Variants in CDC42EP4 observed in about 807,000 individuals in gnomAD.
CDC42EP4 encodes CDC42 effector protein (Rho GTPase binding) 4.
Under a neutral mutation model 5.6 loss-of-function variants are expected in CDC42EP4, and 6 were observed. The ratio of observed to expected loss-of-function variants is 1.07; its 90% confidence interval spans 0.59 to 2.12. The LOEUF is 2.12. Ranked by LOEUF, CDC42EP4 falls within the 30% of genes most tolerant of loss-of-function variation. CDC42EP4 has a pLI of 0.00. For missense variants in CDC42EP4, 490 were observed against 508.6 expected (o/e 0.96, Z 0.35); for synonymous variants, 230 against 224.2 (o/e 1.03, Z -0.23).
intron 1 of CDC42EP4, among the ~76,000 whole-genome samples, chr17:73,303,433 G>T (rs1009339796): frequency 2.6e-5 from 4 of 152,174 alleles, no homozygotes; most frequent in Non-Finnish European, 5.9e-5. Flanking sequence ...AGGCCGAGGA[G>T]TATGGATCAC....
chr17:73,309,384 A>G (rs960628316), intron 1 of CDC42EP4, among the ~76,000 whole-genome samples: 5 of 152,114 alleles, frequency 3.3e-5, no homozygotes, highest in African/African-American at 1.2e-4. Flanking sequence ...TATTTTTAAA[A>G]TCAAAAGACT....
chr17:73,307,988 C>T (rs754980228), intron 1 of CDC42EP4, among the ~76,000 whole-genome samples: 3 of 152,242 alleles, frequency 2.0e-5, no homozygotes, highest in Middle Eastern at 3.4e-3. Context: ...GTGATCTGCC[C>T]GCCTTGGCCT....
chr17:73,288,939 G>T (rs2062147174), intron 1 of CDC42EP4, among the ~76,000 whole-genome samples: 1 of 152,170 alleles, frequency 6.6e-6, no homozygotes, highest in Admixed American at 6.5e-5. Flanking sequence ...GGACGTGAGG[G>T]ATGCCTTGAG....
chr17:73,298,092 C>T (rs2062198190), intron 1 of CDC42EP4, among the ~76,000 whole-genome samples: 1 of 151,970 alleles, frequency 6.6e-6, no homozygotes, highest in Non-Finnish European at 1.5e-5. Flanking sequence ...GTTCGGCAGC[C>T]ACATCCCAGC....
chr17:73,304,783 G>A (rs1017944135), intron 1 of CDC42EP4, among the ~76,000 whole-genome samples: 1 of 152,082 alleles, frequency 6.6e-6, no homozygotes, highest in East Asian at 1.9e-4. Flanking sequence ...CACAATTTCA[G>A]GTTAACATCT....
At position 73,285,651 on chromosome 17, in the gene CDC42EP4, C is replaced by T; in HGVS notation, c.850G>A (p.Glu284Lys). Residue 284 changes from glutamate to lysine, a missense_variant, in exon 2 of 2, where the codon GAG becomes AAG. By Grantham distance (56) the Glu-to-Lys change is moderately conservative (BLOSUM62 1). Coordinates refer to ENST00000335793, the MANE Select transcript of CDC42EP4 (RefSeq NM_012121.5). This position sits in a 1 kb window ranked among gnomAD's most constrained non-coding sequence, Gnocchi z 6.8. ...PSLPSHALED[E>K]GWAAAAPSPG... The stretch of plus-strand genomic sequence containing the variant: ...CTGGGGGCCGCTGCTGCCCACCCCT[C>T]ATCCTCCAGAGCATGGGAGGGGAGG... 1 of 1,592,564 alleles carries T rather than the reference C, an allele frequency of 6.3e-7. No homozygotes were observed. The highest frequency in any genetic ancestry group is 1.1e-5 in the South Asian group (1 of 89,450).
In CDC42EP4 at chr17:73,285,890, T is replaced by A; in HGVS notation, c.611A>T (p.Glu204Val). 1 of 1,614,014 alleles carries A rather than the reference T, an allele frequency of 6.2e-7. No homozygotes were observed. Among genetic ancestry groups the A allele is most frequent in the Admixed American group, 1.7e-5 (1 of 60,028 alleles). ...GTCGATGTGGAAGGACATGATGGAC[T>A]CCGCATGCTTCAGCCCGTACGTGGC... is the stretch of plus-strand genomic sequence containing the variant. ...PKATYGLKHA[E>V]SIMSFHIDLG... The change falls in exon 2 of 2, where the codon GAG becomes GTG. Residue 204 changes from glutamate to valine, a missense_variant. Coordinates refer to ENST00000335793, the MANE Select transcript of CDC42EP4 (RefSeq NM_012121.5). This position sits in a 1 kb window ranked among gnomAD's most constrained non-coding sequence, Gnocchi z 6.8.
intron 1 of CDC42EP4, among the ~76,000 whole-genome samples, chr17:73,296,151 C>T (rs28681207): frequency 0.67 from 100,210 of 149,392 alleles, 33,956 homozygotes; most frequent in Middle Eastern, 0.74. Flanking sequence ...TTTGGGAGGC[C>T]GAGGCGGGTG....
chr17:73,303,552 C>T (rs1056334426), intron 1 of CDC42EP4, among the ~76,000 whole-genome samples: 8 of 151,232 alleles, frequency 5.3e-5, no homozygotes, highest in Admixed American at 4.0e-4. Flanking sequence ...ATGCCAGCTA[C>T]TTGGGAGGCT....
At position 73,284,542 on chromosome 17, in the gene CDC42EP4, TCGCCACCAGACTC is replaced by T. The variant is rs2062119484; in HGVS notation, c.*875_*887del. 1 of 151,644 alleles carries T rather than the reference TCGCCACCAGACTC, an allele frequency of 6.6e-6. No individual in the cohort carries two copies. Among genetic ancestry groups the T allele is most frequent in the Non-Finnish European group, 1.5e-5 (1 of 67,986 alleles). 9.4% of individuals were successfully genotyped at this position (151,644 alleles called of 1,614,324 possible). The stretch of plus-strand genomic sequence containing the variant: ...ATGTCCCCAGACTCCAGTCCGCTAA[TCGCCACCAGACTC>T]CAGTCCGCTAATCGCCACTGTGAAT... On this transcript the variant is annotated 3_prime_UTR_variant, in exon 2 of 2. Coordinates refer to ENST00000335793, the MANE Select transcript of CDC42EP4 (RefSeq NM_012121.5).
chr17:73,290,173 T>G (rs974240765), intron 1 of CDC42EP4, among the ~76,000 whole-genome samples: 7 of 152,306 alleles, frequency 4.6e-5, no homozygotes, highest in Middle Eastern at 3.4e-3. Flanking sequence ...ACTTTATGGA[T>G]GAGGAAACAA....
At chr17:73,310,805 C>T (rs994410072) in intron 1 of CDC42EP4, 4 of 151,468 alleles carry the variant, frequency 2.6e-5, no homozygotes, top group East Asian at 1.9e-4. Context: ...GCACTTCAGT[C>T]CTCTCCCAGG....
intron 1 of CDC42EP4, among the ~76,000 whole-genome samples, chr17:73,293,964 C>A (rs942038005): frequency 5.9e-5 from 9 of 152,204 alleles, no homozygotes; most frequent in Admixed American, 5.9e-4. Context: ...ATGTGCCCTG[C>A]TCAAAAGCCC....
At chr17:73,308,996 C>T (rs1168148780) in intron 1 of CDC42EP4, among the ~76,000 whole-genome samples, 1 of 134,576 alleles carries the variant, frequency 7.4e-6, no homozygotes, top group African/African-American at 2.8e-5. Context: ...CAAGATTGTG[C>T]CACTGCACTC....
intron 1 of CDC42EP4, among the ~76,000 whole-genome samples, chr17:73,289,451 G>A (rs8080848): frequency 0.76 from 115,379 of 151,728 alleles, 45,300 homozygotes; most frequent in Non-Finnish European, 0.86. Flanking sequence ...AGATCGAGGT[G>A]CCAGGAAGGT....
intron 1 of CDC42EP4, among the ~76,000 whole-genome samples, chr17:73,302,993 G>T (rs796310599): frequency 7.1e-6 from 1 of 141,160 alleles, no homozygotes; most frequent in Admixed American, 7.7e-5. Context: ...GCAGTGAGCC[G>T]AGATGGCGCC....
chr17:73,292,177 C>T (rs908367039), intron 1 of CDC42EP4, among the ~76,000 whole-genome samples: 3 of 152,262 alleles, frequency 2.0e-5, no homozygotes, highest in Non-Finnish European at 2.9e-5. Flanking sequence ...GGGTACACAA[C>T]ATGCCTCAAT....
chr17:73,305,166 G>C (rs1295665492), intron 1 of CDC42EP4, among the ~76,000 whole-genome samples: 1 of 152,216 alleles, frequency 6.6e-6, no homozygotes, highest in Non-Finnish European at 1.5e-5. Flanking sequence ...AGTGACTCAA[G>C]GACATCCGGC....
Position 73,286,527 on chromosome 17 carries a change from C to A in CDC42EP4, c.-27G>T. ...TTGCTGGATGGGCGGGGAGGTGGGCCCTCCCGAGGTAGCCGGCAGGTCTGG... is the reference window on the plus strand; with the variant it reads ...TTGCTGGATGGGCGGGGAGGTGGGCACTCCCGAGGTAGCCGGCAGGTCTGG... On this transcript the variant is annotated 5_prime_UTR_variant, in exon 2 of 2. Transcript: ENST00000335793. This position sits in a 1 kb window ranked among gnomAD's most constrained non-coding sequence, Gnocchi z 7.7. 1 of 1,543,680 alleles carries A rather than the reference C, an allele frequency of 6.5e-7. No homozygotes were observed.
Sources: allele counts gnomAD v4.1 joint callset (sites outside exome capture counted in the v4.1 genomes callset), GRCh38; gene constraint gnomAD v4.1.1; non-coding constraint Gnocchi (gnomAD v3.1); transcripts MANE v1.5; gene names NCBI Gene and HGNC (gene_info 2026-07-23, HGNC 2026-07-21).